ITIH5: variants seen among roughly 807,000 people sequenced by gnomAD.
The protein encoded by ITIH5 is inter-alpha-trypsin inhibitor heavy chain 5.
A neutral mutation model predicts 77.5 loss-of-function variants in ITIH5; 65 were observed. The observed-to-expected ratio is 0.84, with a 90% CI of 0.69 to 1.03. The LOEUF (loss-of-function observed/expected upper bound fraction) is 1.03, where lower values mean the gene tolerates loss of function less well. Ranked by LOEUF, ITIH5 falls within the 50% of genes least tolerant of loss-of-function variation. ITIH5 has a pLI of 0.00. For synonymous variants in ITIH5, 525 were observed against 494.3 expected (o/e 1.06, Z -0.82); for missense variants, 1,208 against 1,213.1 (o/e 1.00, Z 0.06).
chr10:7,590,516 A>G (rs778550905), intron 7 of ITIH5, among the ~76,000 whole-genome samples: 1 of 152,248 alleles, frequency 6.6e-6, no homozygotes, highest in Non-Finnish European at 1.5e-5. Context: ...GTGATTTTAA[A>G]GGAAGTGGGA....
At chr10:7,634,046 G>T (rs112221855) in intron 5 of ITIH5, among the ~76,000 whole-genome samples, 1 of 133,444 alleles carries the variant, frequency 7.5e-6, no homozygotes, top group Non-Finnish European at 1.5e-5. Context: ...CCGAGATCGC[G>T]CCACTGCACT....
intron 11 of ITIH5, chr10:7,571,821 G>GA (rs1397299122): frequency 7.7e-6 from 2 of 259,222 alleles, no homozygotes; most frequent in African/African-American, 2.3e-5. Flanking sequence ...ACAAAGACAA[G>GA]AAAAAAAGTC....
At chr10:7,659,291 A>C (rs889789294) in intron 1 of ITIH5, among the ~76,000 whole-genome samples, 6 of 152,096 alleles carry the variant, frequency 3.9e-5, no homozygotes, top group African/African-American at 1.4e-4. Flanking sequence ...AGGCAGGAGA[A>C]TCTCTTGAAC....
rs1359605426 is a variant in ITIH5 at position 7,562,247 on chromosome 10, C to T, written c.*836G>A. 1 of 152,238 alleles carries T rather than the reference C, an allele frequency of 6.6e-6. No homozygotes were observed. The highest frequency in any genetic ancestry group is 1.5e-5 in the Non-Finnish European group (1 of 68,068). The allele number at this position is 152,238 out of a possible 1,614,324, so 9.4% of individuals were successfully genotyped here. A position where few individuals can be genotyped will look rare whatever the true frequency, so the allele number is the denominator to read the frequency against. The stretch of plus-strand genomic sequence containing the variant: ...GCTGGAGAGCTCCAAGTAAAAGATG[C>T]ATCATTCACTTGGCCAACTCTTCGT... On this transcript the variant is annotated 3_prime_UTR_variant, in exon 14 of 14. Coordinates refer to ENST00000397146, the MANE Select transcript of ITIH5 (RefSeq NM_030569.7).
intron 2 of ITIH5, among the ~76,000 whole-genome samples, chr10:7,650,473 T>C (rs61384085): frequency 0.14 from 21,263 of 152,182 alleles, 1,678 homozygotes; most frequent in East Asian, 0.3. Context: ...TGGTGGCTCA[T>C]GCCTGTAATC....
chr10:7,575,682 T>G (rs1245262715), intron 10 of ITIH5, among the ~76,000 whole-genome samples: 2 of 152,084 alleles, frequency 1.3e-5, no homozygotes, highest in Non-Finnish European at 2.9e-5. Flanking sequence ...ACCGGATTCT[T>G]GCAAGAATCC....
chr10:7,612,207 T>C (rs956583759), intron 7 of ITIH5, among the ~76,000 whole-genome samples: 1 of 152,214 alleles, frequency 6.6e-6, no homozygotes, highest in African/African-American at 2.4e-5. Context: ...TGGAAATGGC[T>C]GAAAAGTCTC....
chr10:7,665,858 T>A (rs911220106), intron 1 of ITIH5, among the ~76,000 whole-genome samples: 5 of 152,330 alleles, frequency 3.3e-5, no homozygotes, highest in Middle Eastern at 3.4e-3. Flanking sequence ...GAAGGAAGTA[T>A]CATTACTACC....
At chr10:7,586,599 C>G (rs79088717) in intron 7 of ITIH5, among the ~76,000 whole-genome samples, 49 of 152,302 alleles carry the variant, frequency 3.2e-4, no homozygotes, top group Non-Finnish European at 5.6e-4. Flanking sequence ...AGGAGGGTCT[C>G]CTTCATCTTC....
Position 7,637,388 on chromosome 10 carries a change from C to G in ITIH5, c.492G>C (p.Gln164His). ...TGTGCTCGTACTTGCCCAGGCGCCTCTGCAGAAGCTCCTCATAACTCAGGA... is the reference window on the plus strand; with the variant it reads ...TGTGCTCGTACTTGCCCAGGCGCCTGTGCAGAAGCTCCTCATAACTCAGGA... ...AFFLSYEELL[Q>H]RRLGKYEHSI... Residue 164 changes from glutamine (Q) to histidine (H), a missense_variant, in exon 5 of 14, where the codon CAG becomes CAC. Physicochemically the swap from Gln to His is conservative, Grantham distance 24. Coordinates refer to ENST00000397146, the MANE Select transcript of ITIH5 (RefSeq NM_030569.7). 1.2e-6 allele frequency: 2 copies of G among 1,614,250 alleles called. No individual in the cohort carries two copies. Among genetic ancestry groups the G allele is most frequent in the South Asian group, 2.2e-5 (2 of 91,090 alleles).
chr10:7,566,081 A>C lies in ITIH5; in HGVS notation c.2476T>G (p.Phe826Val). ...PAPFQRHHLG[F>V]YIANSEGLSS... is the part of the protein sequence containing the mutation. ...AGGCCCTCGCTGTTGGCAATGTAGA[A>C]ACCCAGGTGGTGTCGCTGGAAGGGC... Residue 826 changes from phenylalanine (F) to valine (V), a missense_variant, in exon 13 of 14, where the codon TTC becomes GTC. Phe to Val is a conservative substitution (Grantham distance 50, BLOSUM62 -1). Coordinates refer to ENST00000397146, the MANE Select transcript of ITIH5 (RefSeq NM_030569.7). 8 of 1,614,154 alleles carry C rather than the reference A, an allele frequency of 5.0e-6. No individual in the cohort carries two copies. Among genetic ancestry groups the C allele is most frequent in the Non-Finnish European group, 6.8e-6 (8 of 1,180,022 alleles).
chr10:7,612,030 C>G lies in ITIH5; in HGVS notation c.939+3952G>C, dbSNP rs538605805. Among the ~76,000 whole-genome samples the G allele has an allele frequency of 3.3e-5, 5 of 151,680 alleles. No homozygotes were observed. The East Asian group carries it at 7.7e-4, about 23-fold the overall frequency. ...TTTAAATGTTATAAATTGGCACAGA[C>G]TTTTTAGAAAATGTTTTTGGAATGT... On this transcript the variant is annotated intron_variant, in intron 7 of 13. Coordinates refer to ENST00000397146, the MANE Select transcript of ITIH5 (RefSeq NM_030569.7).
At chr10:7,563,640 C>A (rs983613436) in intron 13 of ITIH5, among the ~76,000 whole-genome samples, 1 of 152,216 alleles carries the variant, frequency 6.6e-6, no homozygotes, top group Admixed American at 6.5e-5. Flanking sequence ...GTAACCTACA[C>A]ATAGTGATAA....
chr10:7,601,303 G>A (rs569884051), intron 7 of ITIH5, among the ~76,000 whole-genome samples: 2 of 152,236 alleles, frequency 1.3e-5, no homozygotes, highest in East Asian at 3.9e-4. Context: ...TTCAGAGAGA[G>A]GGCCAGCCCA....
chr10:7,623,600 G>C (rs1833508713), intron 5 of ITIH5, among the ~76,000 whole-genome samples: 1 of 151,794 alleles, frequency 6.6e-6, no homozygotes, highest in Non-Finnish European at 1.5e-5. Flanking sequence ...TCAGGAGATC[G>C]AGACCATCCT....
intron 5 of ITIH5, among the ~76,000 whole-genome samples, chr10:7,628,354 C>G (rs1833620782): frequency 6.6e-6 from 1 of 152,232 alleles, no homozygotes; most frequent in Non-Finnish European, 1.5e-5. Context: ...CTGGACATTT[C>G]AGCTAAATGG....
chr10:7,642,777 C>A (rs374169712), intron 2 of ITIH5, among the ~76,000 whole-genome samples: 3 of 152,302 alleles, frequency 2.0e-5, no homozygotes, highest in East Asian at 3.9e-4. Flanking sequence ...TTTTCTAGTC[C>A]TTACAACAGA....
chr10:7,577,098 C>T, intron 9 of ITIH5, 86 bp from the exon 10 acceptor site: 2 of 1,137,178 alleles, frequency 1.8e-6, no homozygotes, highest in African/African-American at 3.1e-5. Context: ...TGCAGACTCT[C>T]AGGGGGATGC....
chr10:7,648,805 A>G (rs7096422), intron 2 of ITIH5, among the ~76,000 whole-genome samples: 14,544 of 152,268 alleles, frequency 0.096, 1,023 homozygotes, highest in Admixed American at 0.19. Context: ...AGTTTATCAC[A>G]TTATCTTCTT....
Sources: allele counts gnomAD v4.1 joint callset (sites outside exome capture counted in the v4.1 genomes callset), GRCh38; gene constraint gnomAD v4.1.1; transcripts MANE v1.5; gene names NCBI Gene and HGNC (gene_info 2026-07-23, HGNC 2026-07-21).